Variants in NPY2R observed in about 807,000 individuals in gnomAD.
NPY2R encodes neuropeptide Y receptor Y2.
Under a neutral mutation model 22.3 loss-of-function variants are expected in NPY2R, and 17 were observed. That is an observed-to-expected ratio of 0.76 (90% CI 0.52 to 1.14). The LOEUF (loss-of-function observed/expected upper bound fraction) is 1.14. Ranked by LOEUF, NPY2R falls within the 50% of genes most tolerant of loss-of-function variation. The probability of loss-of-function intolerance (pLI) is 0.00; values close to 1 mark genes in which losing one functional copy is unlikely to be tolerated. For missense variants in NPY2R, 424 were observed against 467.9 expected, an observed-to-expected ratio of 0.91 and a Z score of 0.87; for synonymous variants, 209 against 183.4, an observed-to-expected ratio of 1.14 and a Z score of -1.13.
At chr4:155,199,947 A>G in the NPY2R span, among the ~76,000 whole-genome samples, 2 of 152,112 alleles carry the variant, frequency 1.3e-5, no homozygotes, top group Non-Finnish European at 2.9e-5. Context: ...TGACATAGGC[A>G]TGGGCAAAGA....
At chr4:155,199,232 A>C in the NPY2R span, among the ~76,000 whole-genome samples, 1 of 151,972 alleles carries the variant, frequency 6.6e-6, no homozygotes. Flanking sequence ...TTACTGGAAA[A>C]TTGCTCTTTA....
chr4:155,182,448 T>G, the NPY2R span, among the ~76,000 whole-genome samples: 1 of 152,100 alleles, frequency 6.6e-6, no homozygotes, highest in African/African-American at 2.4e-5. Context: ...ATTCAGAAAT[T>G]TGAAATGGGG....
At chr4:155,205,154 T>G (rs1303281573), upstream of NPY2R, among the ~76,000 whole-genome samples, 1 of 152,314 alleles carries the variant, frequency 6.6e-6, no homozygotes, top group Non-Finnish European at 1.5e-5. Flanking sequence ...ATTTCAGTTC[T>G]TCAGTTGCAC....
intron 1 of NPY2R, among the ~76,000 whole-genome samples, chr4:155,212,602 G>T (rs893136630): frequency 6.6e-6 from 1 of 152,122 alleles, no homozygotes; most frequent in Non-Finnish European, 1.5e-5. Context: ...GTAGACACTC[G>T]ATTATTTCTG....
At chr4:155,201,464 T>C in the NPY2R span, among the ~76,000 whole-genome samples, 1 of 152,190 alleles carries the variant, frequency 6.6e-6, no homozygotes, top group East Asian at 1.9e-4. Flanking sequence ...ACCATCATTC[T>C]TCAGTTGATG....
At chr4:155,174,559 C>G in the NPY2R span, among the ~76,000 whole-genome samples, 1 of 148,240 alleles carries the variant, frequency 6.7e-6, no homozygotes, top group Non-Finnish European at 1.5e-5. Context: ...CAGTAAACAG[C>G]CTAAGAAGAG....
chr4:155,203,504 TTATA>T, the NPY2R span, among the ~76,000 whole-genome samples: 1 of 152,304 alleles, frequency 6.6e-6, no homozygotes, highest in East Asian at 1.9e-4. Context: ...AGTAGTACAC[TTATA>T]TAGACTTTTT....
At chr4:155,190,409 G>A in the NPY2R span, among the ~76,000 whole-genome samples, 1 of 151,870 alleles carries the variant, frequency 6.6e-6, no homozygotes, top group Non-Finnish European at 1.5e-5. Flanking sequence ...TTAAATAAAT[G>A]ATCAACCACT....
At chr4:155,180,435 T>C in the NPY2R span, among the ~76,000 whole-genome samples, 1 of 152,204 alleles carries the variant, frequency 6.6e-6, no homozygotes, top group East Asian at 1.9e-4. Flanking sequence ...TTCCCTCAAC[T>C]TGAAACAATA....
upstream of NPY2R, chr4:155,206,449 A>G (rs1463349666): frequency 6.6e-6 from 1 of 152,238 alleles, no homozygotes; most frequent in African/African-American, 2.4e-5. Context: ...TGTGATGCAC[A>G]AAAGTGTCAT....
chr4:155,216,040 C>T lies in NPY2R; in HGVS notation c.*955C>T, dbSNP rs1383954480. On this transcript the variant is annotated 3_prime_UTR_variant, in exon 2 of 2. Coordinates refer to ENST00000329476, the MANE Select transcript of NPY2R (RefSeq NM_000910.4). ...TTTACAAGCTATTTTTGCACAGGTACATAGCTCTCATGTATTTAAAGAACA... is the reference window on the plus strand; with the variant it reads ...TTTACAAGCTATTTTTGCACAGGTATATAGCTCTCATGTATTTAAAGAACA... 1.2e-5 allele frequency: 2 copies of T among 166,974 alleles called. No homozygotes were observed. The highest frequency in any genetic ancestry group is 2.1e-4 in the South Asian group (1 of 4,830). The allele number at this position is 166,974 out of a possible 1,614,324, so 10.3% of individuals were successfully genotyped here.
rs192041437 is a variant in NPY2R at position 155,216,549 on chromosome 4, T to C, written c.*1464T>C. 680 of 166,646 alleles carry C rather than the reference T, an allele frequency of 4.1e-3. 2 individuals carry two copies. The highest frequency in any genetic ancestry group is 6.9e-3 in the Non-Finnish European group (468 of 68,052). The allele number at this position is 166,646 out of a possible 1,614,324, so 10.3% of individuals were successfully genotyped here. A position where few individuals can be genotyped will look rare whatever the true frequency, so the allele number is the denominator to read the frequency against. On this transcript the variant is annotated 3_prime_UTR_variant, in exon 2 of 2. Coordinates refer to ENST00000329476, the MANE Select transcript of NPY2R (RefSeq NM_000910.4). ...ACTTCAACATGCATATGATATATAGTTACAACATTAATTTTATGAACTGGA... is the reference window on the plus strand; with the variant it reads ...ACTTCAACATGCATATGATATATAGCTACAACATTAATTTTATGAACTGGA...
chr4:155,184,191 C>G, the NPY2R span, among the ~76,000 whole-genome samples: 3 of 146,972 alleles, frequency 2.0e-5, no homozygotes, highest in African/African-American at 7.7e-5. Context: ...TAAGAAGAAC[C>G]CTCTCTTGAC....
At chr4:155,211,321 A>G (rs1334544498) in intron 1 of NPY2R, among the ~76,000 whole-genome samples, 1 of 152,154 alleles carries the variant, frequency 6.6e-6, no homozygotes, top group Non-Finnish European at 1.5e-5. Flanking sequence ...GCGGCATTAG[A>G]AGTGAGCACA....
At chr4:155,182,938 G>A in the NPY2R span, among the ~76,000 whole-genome samples, 8 of 152,016 alleles carry the variant, frequency 5.3e-5, no homozygotes, top group East Asian at 1.4e-3. Flanking sequence ...GATTACAGGC[G>A]CCCATCACTA....
chr4:155,202,351 A>G, the NPY2R span, among the ~76,000 whole-genome samples: 1 of 152,166 alleles, frequency 6.6e-6, no homozygotes, highest in Non-Finnish European at 1.5e-5. Flanking sequence ...GTCAGAGTCC[A>G]CTCAGAAATC....
the NPY2R span, among the ~76,000 whole-genome samples, chr4:155,193,264 A>T: frequency 6.6e-6 from 1 of 151,884 alleles, no homozygotes; most frequent in East Asian, 1.9e-4. Context: ...ACAGATAAGG[A>T]ATATGAAGCC....
chr4:155,197,046 C>T, the NPY2R span, among the ~76,000 whole-genome samples: 11 of 151,732 alleles, frequency 7.2e-5, no homozygotes, highest in Non-Finnish European at 1.5e-4. Context: ...TACTAAGGTT[C>T]ATTTGGGAAA....
chr4:155,181,807 A>G, the NPY2R span, among the ~76,000 whole-genome samples: 820 of 152,290 alleles, frequency 5.4e-3, 5 homozygotes, highest in Non-Finnish European at 8.1e-3. Flanking sequence ...CAAATGGACT[A>G]AGATGTTCCA....
Sources: allele counts gnomAD v4.1 joint callset (sites outside exome capture counted in the v4.1 genomes callset), GRCh38; gene constraint gnomAD v4.1.1; transcripts MANE v1.5; gene names NCBI Gene and HGNC (gene_info 2026-07-23, HGNC 2026-07-21).